PLAC8: variants seen among roughly 807,000 people sequenced by gnomAD.
PLAC8 encodes the protein placenta associated 8.
A neutral mutation model predicts 12.6 loss-of-function variants in PLAC8; 6 were observed. The ratio of observed to expected loss-of-function variants is 0.48; its 90% CI spans 0.26 to 0.94. The LOEUF (loss-of-function observed/expected upper bound fraction) is 0.94, where lower values mean the gene tolerates loss of function less well. Among genes scored for constraint, PLAC8 ranks in the 40% least tolerant of loss-of-function variants. The pLI is 0.14. For missense variants in PLAC8, 122 were observed against 152.7 expected, an observed-to-expected ratio of 0.80 and a Z score of 1.06; for synonymous variants, 54 against 52.6, an observed-to-expected ratio of 1.03 and a Z score of -0.11.
intron 3 of PLAC8, among the ~76,000 whole-genome samples, chr4:83,103,084 T>TAAA (rs34047201): frequency 3.6e-4 from 45 of 125,696 alleles, no homozygotes; most frequent in African/African-American, 1.3e-3. Context: ...AGACTCCCTT[T>TAAA]AAAAAAAAAA....
At chr4:83,109,897 G>A (rs1470619294) in intron 1 of PLAC8, 1 of 152,280 alleles carries the variant, frequency 6.6e-6, no homozygotes, top group Non-Finnish European at 1.5e-5. Context: ...CTTAAGAGCA[G>A]CCCGCGCAGA....
At chr4:83,092,297 A>G (rs1483917695) in intron 4 of PLAC8, among the ~76,000 whole-genome samples, 1 of 152,194 alleles carries the variant, frequency 6.6e-6, no homozygotes, top group Non-Finnish European at 1.5e-5. Context: ...ACAGTGTTGG[A>G]ATGATCTAAC....
intron 3 of PLAC8, among the ~76,000 whole-genome samples, chr4:83,099,308 C>T (rs377531466): frequency 1.3e-5 from 2 of 151,900 alleles, no homozygotes; most frequent in Non-Finnish European, 2.9e-5. Context: ...TGGCTCACTG[C>T]ATTTACAAAT....
chr4:83,104,820 A>G, intron 3 of PLAC8, 76 bp downstream of exon 3: 1 of 1,478,172 alleles, frequency 6.8e-7, no homozygotes, highest in Non-Finnish European at 9.4e-7. Context: ...TGTATACATC[A>G]AATGATCTCC....
At chr4:83,112,309 A>T (rs2126144809) in intron 1 of PLAC8, among the ~76,000 whole-genome samples, 1 of 151,584 alleles carries the variant, frequency 6.6e-6, no homozygotes, top group African/African-American at 2.4e-5. Context: ...TCCTCCATGT[A>T]GTAGCCTCAA....
intron 1 of PLAC8, chr4:83,109,860 G>A (rs1200019929): frequency 1.3e-5 from 2 of 152,388 alleles, no homozygotes; most frequent in Non-Finnish European, 2.9e-5. Context: ...CTCCTCTGCT[G>A]GGACCAGACC....
At chr4:83,114,258 T>C (rs2126145249) in intron 1 of PLAC8, among the ~76,000 whole-genome samples, 1 of 152,314 alleles carries the variant, frequency 6.6e-6, no homozygotes, top group East Asian at 1.9e-4. Flanking sequence ...TGTTTCTAAA[T>C]ACTTTGAATG....
chr4:83,108,188 A>ACTT (rs1440595570), intron 1 of PLAC8, among the ~76,000 whole-genome samples: 1 of 151,376 alleles, frequency 6.6e-6, no homozygotes, highest in Non-Finnish European at 1.5e-5. Flanking sequence ...TTAAAGGCCC[A>ACTT]CTTTAGGGGC....
chr4:83,106,297 C>A (rs1015027115), intron 2 of PLAC8, among the ~76,000 whole-genome samples: 4 of 151,898 alleles, frequency 2.6e-5, no homozygotes, highest in African/African-American at 4.8e-5. Context: ...CCACGCCCAG[C>A]CTGATTGTAA....
Position 83,107,682 on chromosome 4 carries a change from G to T in PLAC8, c.118+122C>A, listed in dbSNP as rs1212697938. On this transcript the variant is annotated intron_variant, in intron 2 of 4. Coordinates refer to ENST00000311507, the MANE Select transcript of PLAC8 (RefSeq NM_016619.3). Reference sequence around the variant, plus strand: ...TGCTAAACATACCATTGCCTGACATGCAGAGTGCTTGTAATAAGTTAGAAA... The same window carrying T: ...TGCTAAACATACCATTGCCTGACATTCAGAGTGCTTGTAATAAGTTAGAAA... 2.0e-5 allele frequency: 4 copies of T among 196,132 alleles called. No homozygotes were observed. In the East Asian group the frequency reaches 3.9e-4, roughly 19 times the overall value. The allele number at this position is 196,132 out of a possible 1,614,324, so 12.1% of individuals were successfully genotyped here.
At chr4:83,105,879 C>T (rs1239786310) in intron 2 of PLAC8, among the ~76,000 whole-genome samples, 3 of 152,060 alleles carry the variant, frequency 2.0e-5, no homozygotes, top group Admixed American at 1.3e-4. Context: ...TGAACTGGTG[C>T]CCTGAGAAGC....
rs1222204760 is a variant in PLAC8, at chr4:83,105,777, GTAA to G, written c.119-760_119-758del. ...GGAACTTGTGTATTCATTTAATTGG[GTAA>G]TAATAATACTAGGGGTGAGAGGGTT... On this transcript the variant is annotated intron_variant, in intron 2 of 4. Coordinates refer to ENST00000311507, the MANE Select transcript of PLAC8 (RefSeq NM_016619.3). Among the ~76,000 whole-genome samples the G allele has an allele frequency of 2.6e-4, 39 of 152,274 alleles. 1 individual carries two copies. Among genetic ancestry groups the G allele is most frequent in the Non-Finnish European group, 1.2e-4 (8 of 68,016 alleles).
At chr4:83,110,086 G>T (rs1732391760) in intron 1 of PLAC8, among the ~76,000 whole-genome samples, 3 of 152,180 alleles carry the variant, frequency 2.0e-5, no homozygotes, top group East Asian at 1.9e-4. Context: ...GAGCCGCAAA[G>T]CTGGGCAGGG....
chr4:83,100,576 G>A (rs1432381321), intron 3 of PLAC8, among the ~76,000 whole-genome samples: 5 of 151,824 alleles, frequency 3.3e-5, no homozygotes, highest in Non-Finnish European at 5.9e-5. Context: ...GACTAATACC[G>A]ACAGCAAATT....
At position 83,102,824 on chromosome 4, in the gene PLAC8, C is replaced by T. The variant is rs181523393; in HGVS notation, c.243+2072G>A. Among the ~76,000 whole-genome samples, 671 of 149,816 alleles carry T rather than the reference C, an allele frequency of 4.5e-3. 4 individuals are homozygous for T. Among genetic ancestry groups the T allele is most frequent in the African/African-American group, 0.015 (628 of 40,684 alleles). ...TTTCTTGGCCGGGCGCGGTGGCTCA[C>T]GCCTGTAATCCCAACACCTTGGGAG... On this transcript the variant is annotated intron_variant, in intron 3 of 4. Transcript: ENST00000311507.
intron 2 of PLAC8, among the ~76,000 whole-genome samples, chr4:83,105,811 G>A (rs1367131528): frequency 6.6e-6 from 1 of 152,144 alleles, no homozygotes; most frequent in Admixed American, 6.5e-5. Flanking sequence ...GGGTTAAAAT[G>A]TTCATCTTTA....
At chr4:83,097,458 A>G (rs1731968293) in intron 3 of PLAC8, among the ~76,000 whole-genome samples, 1 of 152,206 alleles carries the variant, frequency 6.6e-6, no homozygotes. Flanking sequence ...CATTTGCCCT[A>G]AATTAAGGTC....
At chr4:83,092,243 G>A (rs1731822081) in intron 4 of PLAC8, among the ~76,000 whole-genome samples, 1 of 151,950 alleles carries the variant, frequency 6.6e-6, no homozygotes. Flanking sequence ...TGAATGTGTG[G>A]GTAGATATTT....
At chr4:83,106,189 T>C (rs1194079989) in intron 2 of PLAC8, among the ~76,000 whole-genome samples, 3 of 151,700 alleles carry the variant, frequency 2.0e-5, no homozygotes, top group Non-Finnish European at 2.9e-5. Flanking sequence ...TTAGTAGAGA[T>C]GGGGTTTCAC....
Sources: gnomAD v4.1 joint callset for allele counts (sites outside exome capture counted in the v4.1 genomes callset) on GRCh38, gnomAD v4.1.1 for gene constraint, MANE v1.5 for transcripts, NCBI Gene and HGNC (gene_info 2026-07-23, HGNC 2026-07-21) for gene names.